MYH15: variants seen among roughly 807,000 people sequenced by gnomAD.
The protein encoded by MYH15 is myosin-15.
Under a neutral mutation model 240.5 loss-of-function variants are expected in MYH15, and 227 were observed. The observed-to-expected ratio is 0.94, with a 90% confidence interval of 0.85 to 1.05. The LOEUF is 1.05. MYH15 is among the 50% of genes least tolerant of loss of function. The probability of loss-of-function intolerance (pLI) is 0.00; values close to 1 mark genes in which losing one functional copy is unlikely to be tolerated. For synonymous variants in MYH15, 785 were observed against 796.7 expected, an observed-to-expected ratio of 0.99 and a Z score of 0.25; for missense variants, 2,217 against 2,247.5, an observed-to-expected ratio of 0.99 and a Z score of 0.27.
At chr3:108,389,712 T>C (rs560995383) in intron 37 of MYH15, among the ~76,000 whole-genome samples, 4 of 152,188 alleles carry the variant, frequency 2.6e-5, no homozygotes, top group Admixed American at 2.0e-4. Context: ...CAAAGTAAAA[T>C]GTAGGCTATG....
chr3:108,416,517 T>A (rs1294732362), intron 29 of MYH15, among the ~76,000 whole-genome samples: 2 of 152,206 alleles, frequency 1.3e-5, no homozygotes, highest in Non-Finnish European at 2.9e-5. Context: ...CACTTTTTTA[T>A]GAGCAGTTTC....
intron 14 of MYH15, among the ~76,000 whole-genome samples, chr3:108,469,705 C>T (rs139403289): frequency 6.6e-6 from 1 of 152,216 alleles, no homozygotes; most frequent in Non-Finnish European, 1.5e-5. Flanking sequence ...TTAGGCCCTA[C>T]AGTGCTCATA....
At chr3:108,485,920 A>G (rs1003357567) in intron 10 of MYH15, among the ~76,000 whole-genome samples, 1 of 152,244 alleles carries the variant, frequency 6.6e-6, no homozygotes, top group African/African-American at 2.4e-5. Context: ...AAAAAACTTG[A>G]GTCTAACACT....
At chr3:108,439,658 G>A (rs1227939955) in intron 24 of MYH15, 79 bp downstream of exon 24, 6 of 1,226,220 alleles carry the variant, frequency 4.9e-6, no homozygotes, top group Non-Finnish European at 5.4e-6. Flanking sequence ...AAACTGTCAA[G>A]ATAAATTAAT....
Position 108,414,300 on chromosome 3 carries a change from T to A in MYH15, c.4077A>T (p.Glu1359Asp). ...CATACTTCATTCTCCATTGCACCAT[T>A]TCAGCATTGACTTTGGATAAGGTCC... is the stretch of plus-strand genomic sequence containing the variant. ...LHRTLSKVNA[E>D]MVQWRMKYEN... Residue 1359 changes from glutamate to aspartate, a missense_variant, in exon 30 of 41, where the codon GAA becomes GAT. Transcript: ENST00000693548. 1 of 1,614,182 alleles carries A rather than the reference T, an allele frequency of 6.2e-7. No individual in the cohort carries two copies. The highest frequency in any genetic ancestry group is 8.5e-7 in the Non-Finnish European group (1 of 1,180,010).
At chr3:108,450,361 C>G (rs1340996283) in intron 21 of MYH15, among the ~76,000 whole-genome samples, 2 of 152,096 alleles carry the variant, frequency 1.3e-5, no homozygotes, top group East Asian at 1.9e-4. Flanking sequence ...AAATATTATT[C>G]AACCTTAAAA....
intron 25 of MYH15, among the ~76,000 whole-genome samples, chr3:108,432,627 C>T (rs1214155436): frequency 2.6e-5 from 4 of 152,146 alleles, no homozygotes; most frequent in African/African-American, 4.8e-5. Flanking sequence ...GCCCAGGGTC[C>T]CCGTGCTGCG....
chr3:108,507,451 C>T lies in MYH15; in HGVS notation c.89-1622G>A, dbSNP rs547153947. ...CACTAACAGGTAATGCGAACTCAGT[C>T]ACCAACCATCACCTCCAATATATGA... On this transcript the variant is annotated intron_variant, in intron 1 of 40. Coordinates refer to ENST00000693548, the MANE Select transcript of MYH15 (RefSeq NM_014981.3). Among the ~76,000 whole-genome samples the T allele has an allele frequency of 3.1e-3, 174 of 55,652 alleles. 1 individual carries two copies. Among genetic ancestry groups the T allele is most frequent in the Non-Finnish European group, 7.3e-3 (149 of 20,522 alleles). The allele number at this position is 55,652 out of a possible 152,430, so 36.5% of individuals were successfully genotyped here.
chr3:108,438,433 C>A (rs926495464), intron 24 of MYH15, among the ~76,000 whole-genome samples: 3 of 152,102 alleles, frequency 2.0e-5, no homozygotes, highest in Non-Finnish European at 4.4e-5. Context: ...TACTTTAAAA[C>A]AATGGAAGAT....
chr3:108,446,402 C>T (rs2082928766), intron 21 of MYH15, among the ~76,000 whole-genome samples: 1 of 152,242 alleles, frequency 6.6e-6, no homozygotes, highest in Non-Finnish European at 1.5e-5. Context: ...TGCCAGTGGA[C>T]AATGCCAGCT....
chr3:108,490,145 C>A (rs1019295588), intron 9 of MYH15, among the ~76,000 whole-genome samples: 3 of 151,852 alleles, frequency 2.0e-5, no homozygotes, highest in East Asian at 1.9e-4. Context: ...AATGGAAGAT[C>A]AAAAAAAATC....
chr3:108,457,079 A>G (rs1253980329), intron 18 of MYH15, among the ~76,000 whole-genome samples, 196 bp from the exon 19 acceptor site: 1 of 152,198 alleles, frequency 6.6e-6, no homozygotes, highest in Non-Finnish European at 1.5e-5. Context: ...GCATCTCCAA[A>G]TATGATTTCC....
At chr3:108,516,892 G>A (rs930154951) in intron 1 of MYH15, among the ~76,000 whole-genome samples, 1 of 152,138 alleles carries the variant, frequency 6.6e-6, no homozygotes, top group East Asian at 1.9e-4. Context: ...TAGGTCTCCA[G>A]GCAATGGAGT....
In MYH15 at chr3:108,381,562, G is replaced by T; in HGVS notation, c.5767-3C>A. 1 of 1,613,704 alleles carries T rather than the reference G, an allele frequency of 6.2e-7. No individual in the cohort carries two copies. The highest frequency in any genetic ancestry group is 8.5e-7 in the Non-Finnish European group (1 of 1,179,638). Reference sequence around the variant, plus strand: ...AGGGGATGCTATTCTTCTTGAACCTGAAAAACAGAATGTCAGTGTGTTCTG... The same window carrying T: ...AGGGGATGCTATTCTTCTTGAACCTTAAAAACAGAATGTCAGTGTGTTCTG... On this transcript the variant is annotated splice_region_variant and splice_polypyrimidine_tract_variant and intron_variant, in intron 40 of 40. Transcript: ENST00000693548.
At chr3:108,462,985 G>C in intron 16 of MYH15, 126 bp downstream of exon 16, 1 of 1,068,286 alleles carries the variant, frequency 9.4e-7, no homozygotes, top group East Asian at 2.5e-5. Context: ...ACTAATAAGA[G>C]GGGACGACTC....
intron 1 of MYH15, among the ~76,000 whole-genome samples, chr3:108,507,226 A>AATATATATATAT (rs147101810): frequency 2.4e-4 from 24 of 98,528 alleles, no homozygotes; most frequent in Admixed American, 3.2e-4. Context: ...AAGGAAAATG[A>AATATATATATAT]ATATATATAT....
At chr3:108,548,077 A>C in the MYH15 span, among the ~76,000 whole-genome samples, 1 of 152,178 alleles carries the variant, frequency 6.6e-6, no homozygotes, top group Non-Finnish European at 1.5e-5. Flanking sequence ...TGCACATGTC[A>C]ACTATAGCAT....
intron 29 of MYH15, among the ~76,000 whole-genome samples, chr3:108,416,285 T>C (rs2082632175): frequency 6.6e-6 from 1 of 152,216 alleles, no homozygotes; most frequent in Admixed American, 6.5e-5. Flanking sequence ...ATGCCTTGAC[T>C]ATGAACTAAG....
chr3:108,442,772 C>CTT (rs5851593), intron 22 of MYH15, among the ~76,000 whole-genome samples: 1 of 143,216 alleles, frequency 7.0e-6, no homozygotes, highest in Non-Finnish European at 1.5e-5. Flanking sequence ...CAAAATATTT[C>CTT]TTTTTTTTTT....
Sources: gnomAD v4.1 joint callset for allele counts (sites outside exome capture counted in the v4.1 genomes callset) on GRCh38, gnomAD v4.1.1 for gene constraint, MANE v1.5 for transcripts, NCBI Gene and HGNC (gene_info 2026-07-23, HGNC 2026-07-21) for gene names.